GDA: variants seen among roughly 807,000 people sequenced by gnomAD.
GDA encodes the protein guanine deaminase, also known as cytoplasmic PSD-95 interactor.
A neutral mutation model predicts 59.6 loss-of-function variants in GDA; 18 were observed. That is an observed-to-expected ratio of 0.30 (90% CI 0.21 to 0.45). The LOEUF (loss-of-function observed/expected upper bound fraction) is 0.45, where lower values mean the gene tolerates loss of function less well. Ranked by LOEUF, GDA falls within the 20% of genes least tolerant of loss-of-function variation. The probability of loss-of-function intolerance (pLI) is 1.00; values close to 1 mark genes in which losing one functional copy is unlikely to be tolerated. For synonymous variants in GDA, 201 were observed against 201.1 expected, an observed-to-expected ratio of 1.00 and a Z score of 0.00; for missense variants, 427 against 552.3, an observed-to-expected ratio of 0.77 and a Z score of 2.27.
intron 1 of GDA, among the ~76,000 whole-genome samples, chr9:72,153,755 T>C (rs1372070432): frequency 1.4e-5 from 2 of 142,646 alleles, no homozygotes; most frequent in African/African-American, 5.3e-5. Context: ...TAGATGGAAA[T>C]TGAACAATGA....
At position 72,155,620 on chromosome 9, in the gene GDA, T is replaced by G. The variant is rs1827802203; in HGVS notation, c.123+5938T>G. On this transcript the variant is annotated intron_variant, in intron 1 of 13. Coordinates refer to ENST00000358399, the MANE Select transcript of GDA (RefSeq NM_004293.5). ...AGGACAGGTAGGCAGGGCTATGTTA[T>G]GGAGGGCATCGGGGATGGTGGGATT... Among the ~76,000 whole-genome samples the G allele has an allele frequency of 2.0e-5, 3 of 152,290 alleles. No homozygotes were observed. The South Asian group carries it at 6.2e-4, about 32-fold the overall frequency.
At chr9:72,256,486 C>T (rs993994418), downstream of GDA, among the ~76,000 whole-genome samples, 2 of 152,056 alleles carry the variant, frequency 1.3e-5, no homozygotes, top group Non-Finnish European at 2.9e-5. Context: ...GTACATAGTC[C>T]GCAGAGAATA....
Position 72,155,238 on chromosome 9 carries a change from A to T in GDA, c.123+5556A>T, listed in dbSNP as rs532533604. The stretch of plus-strand genomic sequence containing the variant: ...TTCTTACATGGCGGCAGCAAGAGAG[A>T]ATGAGGAAGATGAAAAAGCGGAAAC... On this transcript the variant is annotated intron_variant, in intron 1 of 13. Coordinates refer to ENST00000358399, the MANE Select transcript of GDA (RefSeq NM_004293.5). 2.1e-4 allele frequency among the ~76,000 whole-genome samples: 32 copies of T among 152,314 alleles called. No homozygotes were observed. In the South Asian group the frequency reaches 6.6e-3, roughly 32 times the overall value.
chr9:72,141,616 A>G (rs1299188870), intron 1 of GDA, among the ~76,000 whole-genome samples: 1 of 152,140 alleles, frequency 6.6e-6, no homozygotes, highest in Non-Finnish European at 1.5e-5. Flanking sequence ...GTCCAATCTC[A>G]TTATGGTTTC....
At chr9:72,168,198 A>T (rs1829540782) in intron 1 of GDA, among the ~76,000 whole-genome samples, 1 of 151,976 alleles carries the variant, frequency 6.6e-6, no homozygotes, top group Admixed American at 6.6e-5. Flanking sequence ...GGAGTTTGAG[A>T]CCAGCCTGGG....
chr9:72,147,345 C>T (rs371165563), upstream of GDA, among the ~76,000 whole-genome samples: 82 of 152,274 alleles, frequency 5.4e-4, no homozygotes, highest in African/African-American at 2.0e-3. Flanking sequence ...GTAGCTGGGA[C>T]TACAGGCACG....
chr9:72,129,541 C>T (rs1172441403), intron 1 of GDA, among the ~76,000 whole-genome samples: 1 of 152,180 alleles, frequency 6.6e-6, no homozygotes, highest in African/African-American at 2.4e-5. Context: ...AGAAAAATTA[C>T]TTGTTGGGAC....
intron 3 of GDA, among the ~76,000 whole-genome samples, chr9:72,204,714 T>C (rs1834456805): frequency 6.6e-6 from 1 of 152,220 alleles, no homozygotes; most frequent in East Asian, 1.9e-4. Context: ...CATTCTTTTA[T>C]GTTTAGAGAG....
chr9:72,133,710 A>C (rs1253772408), intron 1 of GDA, among the ~76,000 whole-genome samples: 27 of 152,170 alleles, frequency 1.8e-4, no homozygotes, highest in Non-Finnish European at 2.9e-5. Context: ...TCTCACATAA[A>C]CTGGCTTCTT....
rs930138189 is a variant in GDA at position 72,249,886 on chromosome 9, T to G, written c.*1544T>G. ...TAGTATAAATTTTATTTTCACATACTTAGCTAATTTAGCAGTAATTGGCCC... is the reference window on the plus strand; with the variant it reads ...TAGTATAAATTTTATTTTCACATACGTAGCTAATTTAGCAGTAATTGGCCC... On this transcript the variant is annotated 3_prime_UTR_variant, in exon 14 of 14. Coordinates refer to ENST00000358399, the MANE Select transcript of GDA (RefSeq NM_004293.5). 1.5e-5 allele frequency: 15 copies of G among 972,376 alleles called. No homozygotes were observed. Among genetic ancestry groups the G allele is most frequent in the Non-Finnish European group, 1.8e-5 (15 of 818,154 alleles). 60.2% of individuals were successfully genotyped at this position (972,376 alleles called of 1,614,324 possible). A position where few individuals can be genotyped will look rare whatever the true frequency, so the allele number is the denominator to read the frequency against.
chr9:72,137,011 C>A (rs1826250794), intron 1 of GDA, among the ~76,000 whole-genome samples: 1 of 151,752 alleles, frequency 6.6e-6, no homozygotes, highest in African/African-American at 2.4e-5. Context: ...ACAACAACAA[C>A]AAAAACATAC....
chr9:72,160,115 C>G (rs111877985), intron 1 of GDA, among the ~76,000 whole-genome samples: 5,801 of 151,782 alleles, frequency 0.038, 134 homozygotes, highest in Middle Eastern at 0.095. Flanking sequence ...CTGGCCAACA[C>G]GGTAAAACCC....
chr9:72,171,047 G>A (rs1194236214), intron 1 of GDA, among the ~76,000 whole-genome samples: 1 of 152,090 alleles, frequency 6.6e-6, no homozygotes, highest in East Asian at 1.9e-4. Context: ...AAACACCTGA[G>A]CTCTGGCAGT....
intron 6 of GDA, among the ~76,000 whole-genome samples, chr9:72,222,606 G>T (rs1266582668): frequency 1.3e-5 from 2 of 152,170 alleles, no homozygotes; most frequent in African/African-American, 4.8e-5. Flanking sequence ...TGTTGCAATT[G>T]CTTCTGGTGT....
chr9:72,127,645 A>C (rs886261083), intron 1 of GDA, among the ~76,000 whole-genome samples: 1 of 152,002 alleles, frequency 6.6e-6, no homozygotes, highest in African/African-American at 2.4e-5. Context: ...TCAAAAAAAA[A>C]AAAAAAAGAA....
At chr9:72,173,189 T>C (rs1306234761) in intron 1 of GDA, among the ~76,000 whole-genome samples, 1 of 152,228 alleles carries the variant, frequency 6.6e-6, no homozygotes, top group African/African-American at 2.4e-5. Flanking sequence ...CTCTAGATTC[T>C]CCTTTGCTTT....
At chr9:72,159,297 G>T (rs908022312) in intron 1 of GDA, among the ~76,000 whole-genome samples, 12 of 152,180 alleles carry the variant, frequency 7.9e-5, no homozygotes, top group African/African-American at 2.9e-4. Flanking sequence ...AGGAGGCTGA[G>T]GGGGAAGAAC....
At chr9:72,130,726 G>C (rs1825998016) in intron 1 of GDA, among the ~76,000 whole-genome samples, 1 of 152,184 alleles carries the variant, frequency 6.6e-6, no homozygotes, top group African/African-American at 2.4e-5. Context: ...GCTTGGAAAG[G>C]GTCCATGAAG....
chr9:72,211,927 T>C (rs764050029), intron 4 of GDA, among the ~76,000 whole-genome samples: 1 of 152,072 alleles, frequency 6.6e-6, no homozygotes, highest in Non-Finnish European at 1.5e-5. Context: ...GTGATGAAAG[T>C]GGTATTTTAA....
Sources: allele counts gnomAD v4.1 joint callset (sites outside exome capture counted in the v4.1 genomes callset), GRCh38; gene constraint gnomAD v4.1.1; transcripts MANE v1.5; gene names NCBI Gene and HGNC (gene_info 2026-07-23, HGNC 2026-07-21).